The following PCDHGA1 variants were observed in gnomAD, a reference collection of about 807,000 sequenced individuals.
The protein encoded by PCDHGA1 is protocadherin gamma-A1.
Under a neutral mutation model 58.0 loss-of-function variants are expected in PCDHGA1, and 32 were observed. The observed-to-expected ratio is 0.55, with a 90% confidence interval of 0.42 to 0.74. The LOEUF is 0.74. Ranked by LOEUF, PCDHGA1 falls within the 30% of genes least tolerant of loss-of-function variation. PCDHGA1 has a pLI of 0.00. For synonymous variants in PCDHGA1, 498 were observed against 501.1 expected (o/e 0.99, Z 0.08); for missense variants, 1,205 against 1,182.3 (o/e 1.02, Z -0.28).
Position 141,486,683 on chromosome 5 carries a change from G to C in PCDHGA1, c.2422-8124G>C, listed in dbSNP as rs1207359772. 6.2e-7 allele frequency: 1 copy of C among 1,613,974 alleles called. No individual in the cohort carries two copies. ...GGAGCCCAGGAATCGAGATGTATCA[G>C]CTTCCTCTTTCATCTCTCTGAACCC... On this transcript the variant is annotated intron_variant, in intron 1 of 3. Coordinates refer to ENST00000517417, the MANE Select transcript of PCDHGA1 (RefSeq NM_018912.3). This position sits in a 1 kb window ranked among gnomAD's most constrained non-coding sequence, Gnocchi z 5.0.
intron 1 of PCDHGA1, chr5:141,384,715 T>C: frequency 6.2e-7 from 1 of 1,614,088 alleles, no homozygotes. Flanking sequence ...CTGGCTGTCA[T>C]ACCTCCTGCT....
intron 1 of PCDHGA1, chr5:141,419,910 C>A (rs539905795): frequency 1.9e-6 from 3 of 1,613,968 alleles, no homozygotes; most frequent in Non-Finnish European, 2.5e-6. Flanking sequence ...CCCTCTGACT[C>A]CCAGGCTGAG....
intron 1 of PCDHGA1, among the ~76,000 whole-genome samples, chr5:141,438,517 T>G (rs975190211): frequency 6.7e-6 from 1 of 148,384 alleles, no homozygotes; most frequent in Non-Finnish European, 1.5e-5. Context: ...AAACCAATTA[T>G]TTTACATGGA....
chr5:141,382,699 G>C lies in PCDHGA1; in HGVS notation c.2421+49594G>C, dbSNP rs6876944. The stretch of plus-strand genomic sequence containing the variant: ...CCAACCAGGGAAAAATGGTGCGAGA[G>C]ATCCCACAGAAACCACCGAGTTTTA... On this transcript the variant is annotated intron_variant, in intron 1 of 3. Transcript: ENST00000517417. 3,018 of 458,814 alleles carry C rather than the reference G, an allele frequency of 6.6e-3. 90 individuals carry two copies. Among genetic ancestry groups the C allele is most frequent in the African/African-American group, 0.053 (2,693 of 50,344 alleles). 28.4% of individuals were successfully genotyped at this position (458,814 alleles called of 1,614,324 possible).
intron 1 of PCDHGA1, among the ~76,000 whole-genome samples, chr5:141,347,746 C>A (rs1338414505): frequency 6.7e-6 from 1 of 149,964 alleles, no homozygotes; most frequent in Non-Finnish European, 1.5e-5. Flanking sequence ...AAAATTGGGC[C>A]ACTGCACTCC....
chr5:141,387,209 T>A lies in PCDHGA1; in HGVS notation c.2421+54104T>A, dbSNP rs911946032. Among the ~76,000 whole-genome samples, 3 of 152,170 alleles carry A rather than the reference T, an allele frequency of 2.0e-5. No individual in the cohort carries two copies. In the South Asian group the frequency reaches 6.2e-4, roughly 31 times the overall value. On this transcript the variant is annotated intron_variant, in intron 1 of 3. Coordinates refer to ENST00000517417, the MANE Select transcript of PCDHGA1 (RefSeq NM_018912.3). ...GGCAATTTTGGTATTACTGATACTC[T>A]CCGGAAAAAGTTGAAATAAATCAAC...
intron 1 of PCDHGA1, chr5:141,400,391 C>T (rs1468153713): frequency 1.2e-6 from 2 of 1,614,076 alleles, no homozygotes; most frequent in Non-Finnish European, 1.7e-6. Flanking sequence ...GTTGCACATA[C>T]AGGAAAGACG....
At chr5:141,414,088 A>G in intron 1 of PCDHGA1, 3 of 1,599,384 alleles carry the variant, frequency 1.9e-6, no homozygotes, top group Non-Finnish European at 8.5e-7. Context: ...TACTGGAGAA[A>G]TAAAAATATC....
chr5:141,373,392 A>G (rs1769542024), intron 1 of PCDHGA1, among the ~76,000 whole-genome samples: 1 of 152,218 alleles, frequency 6.6e-6, no homozygotes, highest in Non-Finnish European at 1.5e-5. Context: ...TTTGTGTAGC[A>G]TATGCCTGTA....
rs766516627 is a variant in PCDHGA1 at position 141,398,178 on chromosome 5, C to G, written c.2421+65073C>G. The G allele has an allele frequency of 8.2e-6, 12 of 1,472,146 alleles. No individual in the cohort carries two copies. The South Asian group carries it at 8.4e-5, about 10-fold the overall frequency. The allele number at this position is 1,472,146 out of a possible 1,614,324, so 91.2% of individuals were successfully genotyped here. A position where few individuals can be genotyped will look rare whatever the true frequency, so the allele number is the denominator to read the frequency against. ...GCCGGGCTGAGAGGCTGCCAGTGCT[C>G]TTTCTCTTCCTGCTGTCTTTGTTCT... On this transcript the variant is annotated intron_variant, in intron 1 of 3. Coordinates refer to ENST00000517417, the MANE Select transcript of PCDHGA1 (RefSeq NM_018912.3).
At chr5:141,375,623 C>G in intron 1 of PCDHGA1, 5 of 1,614,244 alleles carry the variant, frequency 3.1e-6, no homozygotes, top group Non-Finnish European at 3.4e-6. Flanking sequence ...CACTGGGATT[C>G]TGTACGCCCT....
At chr5:141,374,514 A>G (rs762655024) in intron 1 of PCDHGA1, 6 of 1,612,112 alleles carry the variant, frequency 3.7e-6, no homozygotes, top group Non-Finnish European at 4.2e-6. Context: ...AAAATTCTCG[A>G]AAACGCAGCT....
chr5:141,489,701 T>C lies in PCDHGA1; in HGVS notation c.2422-5106T>C, dbSNP rs1038902932. The C allele has an allele frequency of 1.9e-6, 3 of 1,614,128 alleles. No homozygotes were observed. The highest frequency in any genetic ancestry group is 2.5e-6 in the Non-Finnish European group (3 of 1,179,944). On this transcript the variant is annotated intron_variant, in intron 1 of 3. Transcript: ENST00000517417. The surrounding 1 kb of genome is among the most constrained non-coding windows in gnomAD (Gnocchi z 4.5). ...GCAGCATCTGGGGCACGATTCCCAC[T>C]GGACAGTGCCCAGGATCCGGATGTG...
intron 1 of PCDHGA1, chr5:141,422,096 C>T: frequency 6.2e-7 from 1 of 1,610,710 alleles, no homozygotes; most frequent in Non-Finnish European, 8.5e-7. Context: ...AGCAAGGCTT[C>T]TGAAATATTC....
At position 141,431,735 on chromosome 5, in the gene PCDHGA1, G is replaced by A. The variant is rs2097411908; in HGVS notation, c.2422-63072G>A. 1.2e-6 allele frequency: 2 copies of A among 1,614,118 alleles called. No homozygotes were observed. Among genetic ancestry groups the A allele is most frequent in the Non-Finnish European group, 1.7e-6 (2 of 1,180,056 alleles). On this transcript the variant is annotated intron_variant, in intron 1 of 3. Transcript: ENST00000517417. The surrounding 1 kb of genome is among the most constrained non-coding windows in gnomAD (Gnocchi z 4.8). ...GGAAGTGCAAGCAATGGATAATGCAGGATATTCTGCGCGAGCCAAAGTCCT... is the reference window on the plus strand; with the variant it reads ...GGAAGTGCAAGCAATGGATAATGCAAGATATTCTGCGCGAGCCAAAGTCCT...
chr5:141,338,840 A>G, intron 1 of PCDHGA1: 1 of 1,397,104 alleles, frequency 7.2e-7, no homozygotes, highest in South Asian at 1.8e-5. Context: ...AATTCAGTCG[A>G]ACAGCCCACC....
chr5:141,377,234 A>G (rs930126053), intron 1 of PCDHGA1: 14 of 152,160 alleles, frequency 9.2e-5, no homozygotes, highest in African/African-American at 3.1e-4. Flanking sequence ...TTTTCCTACT[A>G]TGTGACATTT....
chr5:141,338,287 T>G (rs1057094617), intron 1 of PCDHGA1, among the ~76,000 whole-genome samples: 1 of 152,250 alleles, frequency 6.6e-6, no homozygotes, highest in Non-Finnish European at 1.5e-5. Flanking sequence ...GGGAGGCACA[T>G]GTACCCAATT....
At chr5:141,378,986 C>T (rs1369970851) in intron 1 of PCDHGA1, 2 of 152,156 alleles carry the variant, frequency 1.3e-5, no homozygotes, top group African/African-American at 4.8e-5. Flanking sequence ...TGTTGAACTA[C>T]ATTATAGTCA....
Sources: gnomAD v4.1 joint callset for allele counts (sites outside exome capture counted in the v4.1 genomes callset) on GRCh38, gnomAD v4.1.1 for gene constraint, Gnocchi (gnomAD v3.1) non-coding constraint, MANE v1.5 for transcripts, NCBI Gene and HGNC (gene_info 2026-07-23, HGNC 2026-07-21) for gene names.